The following RIPK1 variants were observed in gnomAD, a reference collection of about 807,000 sequenced individuals.
RIPK1 encodes receptor-interacting serine/threonine-protein kinase 1.
In RIPK1, 27 loss-of-function variants were observed where a neutral mutation model predicts 62.4. The observed-to-expected ratio is 0.43, with a 90% confidence interval of 0.32 to 0.60. The LOEUF is 0.60. Ranked by LOEUF, RIPK1 falls within the 20% of genes least tolerant of loss-of-function variation. The pLI is 0.07. For synonymous variants in RIPK1, 287 were observed against 303.2 expected, an observed-to-expected ratio of 0.95 and a Z score of 0.55; for missense variants, 735 against 831.0, an observed-to-expected ratio of 0.88 and a Z score of 1.42.
intron 6 of RIPK1, among the ~76,000 whole-genome samples, chr6:3,088,209 T>G (rs1759829071): frequency 6.6e-6 from 1 of 152,218 alleles, no homozygotes; most frequent in Non-Finnish European, 1.5e-5. Flanking sequence ...GGCCACCTTA[T>G]TAGTGCTGGG....
intron 3 of RIPK1, among the ~76,000 whole-genome samples, chr6:3,079,288 C>T (rs1199091930): frequency 6.6e-6 from 1 of 152,102 alleles, no homozygotes; most frequent in Non-Finnish European, 1.5e-5. Context: ...CCATGTTGGT[C>T]AGGCTGGTCT....
chr6:3,094,591 A>ATG (rs1760186578), intron 7 of RIPK1, among the ~76,000 whole-genome samples: 1 of 149,532 alleles, frequency 6.7e-6, no homozygotes, highest in African/African-American at 2.4e-5. Flanking sequence ...ATATATATAT[A>ATG]TATATATATG....
rs1394420083 is a variant in RIPK1, at chr6:3,072,954, C to G, written c.-60-3810C>G. 6.6e-6 allele frequency among the ~76,000 whole-genome samples: 1 copy of G among 152,126 alleles called. No individual in the cohort carries two copies. The highest frequency in any genetic ancestry group is 1.5e-5 in the Non-Finnish European group (1 of 68,022). ...TTCTCACTAGGATTGGTCAGTAGGG[C>G]CCTGCTGACAGAGTGATCCCAGCTG... On this transcript the variant is annotated intron_variant, in intron 1 of 10. Transcript: ENST00000259808. The surrounding 1 kb of genome is among the most constrained non-coding windows in gnomAD (Gnocchi z 5.6).
chr6:3,107,357 C>G (rs1305656438), intron 9 of RIPK1, among the ~76,000 whole-genome samples: 1 of 149,544 alleles, frequency 6.7e-6, no homozygotes, highest in African/African-American at 2.5e-5. Context: ...GAGATTGAGA[C>G]CATCCTGGCT....
chr6:3,115,023 A>C lies in RIPK1; in HGVS notation c.*1684A>C, dbSNP rs1761341324. On this transcript the variant is annotated 3_prime_UTR_variant, in exon 11 of 11. Transcript: ENST00000259808. The stretch of plus-strand genomic sequence containing the variant: ...AAAAGGGAGAATGGAGGGAGGCTCC[A>C]GGCTTTGCTGGAGGGGCCTGGGTGA... The C allele has an allele frequency of 6.6e-6, 1 of 152,206 alleles. No homozygotes were observed. The highest frequency in any genetic ancestry group is 2.4e-5 in the African/African-American group (1 of 41,464). 9.4% of individuals were successfully genotyped at this position (152,206 alleles called of 1,614,324 possible).
chr6:3,106,440 C>T lies in RIPK1; in HGVS notation c.1576+389C>T, dbSNP rs1291477329. On this transcript the variant is annotated intron_variant, in intron 9 of 10. Transcript: ENST00000259808. ...AGTCTTGGATATTTTTGTTTCTGAC[C>T]TTATATAGCTCAAAGACTACCATTA... is the stretch of plus-strand genomic sequence containing the variant. Among the ~76,000 whole-genome samples the T allele has an allele frequency of 2.0e-5, 3 of 152,098 alleles. No individual in the cohort carries two copies. The East Asian group carries it at 5.8e-4, about 29-fold the overall frequency.
chr6:3,077,755 G>C, intron 2 of RIPK1, 24 bp from the exon 3 acceptor site: 2 of 1,613,296 alleles, frequency 1.2e-6, no homozygotes, highest in Admixed American at 3.3e-5. Context: ...GCCAGCCTCA[G>C]CATAGCACCT....
At chr6:3,087,369 A>G (rs1394219195) in intron 6 of RIPK1, among the ~76,000 whole-genome samples, 2 of 151,298 alleles carry the variant, frequency 1.3e-5, no homozygotes, top group African/African-American at 2.4e-5. Context: ...TAAAAACTAT[A>G]TCTTTGGTTA....
intron 7 of RIPK1, among the ~76,000 whole-genome samples, chr6:3,101,761 A>C (rs1453504118): frequency 8.5e-5 from 13 of 152,240 alleles, no homozygotes; most frequent in Admixed American, 8.5e-4. Context: ...TGCTCCTATA[A>C]GGAAAAAGTT....
intron 3 of RIPK1, 58 bp downstream of exon 3, chr6:3,077,993 T>C (rs1759183961): frequency 1.7e-5 from 27 of 1,565,342 alleles, no homozygotes; most frequent in African/African-American, 1.1e-4. Flanking sequence ...CTGTCTGTTA[T>C]GGCTCCCCTT....
chr6:3,104,323 A>G lies in RIPK1; in HGVS notation c.1006+8A>G. On this transcript the variant is annotated splice_region_variant and intron_variant, in intron 8 of 10. Transcript: ENST00000259808. The stretch of plus-strand genomic sequence containing the variant: ...CAAGCCGGTCAAATTCAGGTAAATT[A>G]CACTATGGTCAAAATCTATTCATTT... The G allele has an allele frequency of 7.0e-7, 1 of 1,433,802 alleles. No individual in the cohort carries two copies. Among genetic ancestry groups the G allele is most frequent in the Non-Finnish European group, 9.8e-7 (1 of 1,016,506 alleles). The allele number at this position is 1,433,802 out of a possible 1,614,324, so 88.8% of individuals were successfully genotyped here.
chr6:3,076,792 T>G lies in RIPK1; in HGVS notation c.-32T>G. Reference sequence around the variant, plus strand: ...ACAGCTCTGCCGGGGGGGGAAAAAGTGGTACCATTTTGGGCGTTCTTGAGC... The same window carrying G: ...ACAGCTCTGCCGGGGGGGGAAAAAGGGGTACCATTTTGGGCGTTCTTGAGC... On this transcript the variant is annotated 5_prime_UTR_variant, in exon 2 of 11. Coordinates refer to ENST00000259808, the MANE Select transcript of RIPK1 (RefSeq NM_001354930.2). 1 of 1,606,498 alleles carries G rather than the reference T, an allele frequency of 6.2e-7. No homozygotes were observed. The highest frequency in any genetic ancestry group is 2.3e-5 in the East Asian group (1 of 44,332).
chr6:3,077,982 G>A, intron 3 of RIPK1, 47 bp downstream of exon 3: 1 of 1,598,462 alleles, frequency 6.3e-7, no homozygotes, highest in Non-Finnish European at 8.5e-7. Context: ...TTGGGCCCTG[G>A]CTGTCTGTTA....
intron 8 of RIPK1, 118 bp downstream of exon 8, chr6:3,104,433 C>T (rs1760731008): frequency 5.1e-6 from 3 of 589,350 alleles, no homozygotes; most frequent in Admixed American, 3.2e-5. Context: ...AAAGTGAACA[C>T]CTGCCTTACA....
At chr6:3,098,696 C>T (rs17548252) in intron 7 of RIPK1, among the ~76,000 whole-genome samples, 3,032 of 152,310 alleles carry the variant, frequency 0.02, 55 homozygotes, top group Non-Finnish European at 0.028. Flanking sequence ...GTGTAGACTA[C>T]AGCAAGGATA....
At chr6:3,066,250 C>T (rs1359793996), upstream of RIPK1, among the ~76,000 whole-genome samples, 1 of 152,154 alleles carries the variant, frequency 6.6e-6, no homozygotes, top group Non-Finnish European at 1.5e-5. Flanking sequence ...TCCGGAACCC[C>T]TGAGCTCAGG....
Position 3,106,019 on chromosome 6 carries a change from C to T in RIPK1, c.1544C>T (p.Pro515Leu), listed in dbSNP as rs1348121811. 6 of 1,610,372 alleles carry T rather than the reference C, an allele frequency of 3.7e-6. No individual in the cohort carries two copies. The highest frequency in any genetic ancestry group is 5.1e-6 in the Non-Finnish European group (6 of 1,177,070). ...VPETNYLGNT[P>L]TMPFSSLPPT... The stretch of plus-strand genomic sequence containing the variant: ...GAGACCAACTATCTAGGAAATACAC[C>T]CACCATGCCATTCAGCTCCTTGCCA... Residue 515 changes from proline (P) to leucine (L), a missense_variant, in exon 9 of 11, where the codon CCC (proline) becomes CTC (leucine). Around this residue, in one of 2 missense-constraint regions of RIPK1, gnomAD observed 671 missense variants for 726.2 expected, o/e 0.92. Transcript: ENST00000259808.
intron 9 of RIPK1, among the ~76,000 whole-genome samples, chr6:3,107,839 C>T (rs984116986): frequency 6.6e-6 from 1 of 151,974 alleles, no homozygotes; most frequent in Non-Finnish European, 1.5e-5. Flanking sequence ...GACAGATGTA[C>T]AGGGATGCAG....
At chr6:3,102,241 CA>C (rs1760617275) in intron 7 of RIPK1, among the ~76,000 whole-genome samples, 2 of 152,190 alleles carry the variant, frequency 1.3e-5, no homozygotes. Context: ...CATGATGCCA[CA>C]AGTGGAAAAT....
Sources: gnomAD v4.1 joint callset for allele counts (sites outside exome capture counted in the v4.1 genomes callset) on GRCh38, gnomAD v4.1.1 for gene constraint, gnomAD v4.1.1 regional missense constraint, Gnocchi (gnomAD v3.1) non-coding constraint, MANE v1.5 for transcripts, NCBI Gene and HGNC (gene_info 2026-07-23, HGNC 2026-07-21) for gene names.